BRINP1: variants seen among roughly 807,000 people sequenced by gnomAD.
The protein encoded by BRINP1 is BMP/retinoic acid-inducible neural-specific protein 1.
BRINP1 carries 17 observed loss-of-function variants against 72.9 expected under a neutral mutation model. The observed-to-expected ratio is 0.23, with a 90% CI of 0.16 to 0.35. BRINP1 has a LOEUF of 0.35. BRINP1 is among the 10% of genes least tolerant of loss of function. BRINP1 has a pLI of 1.00. For missense variants in BRINP1, 850 were observed against 1,001.6 expected, an observed-to-expected ratio of 0.85 and a Z score of 2.04; for synonymous variants, 418 against 378.5, an observed-to-expected ratio of 1.10 and a Z score of -1.21.
intron 1 of BRINP1, 114 bp from the exon 2 acceptor site, chr9:119,313,519 A>C: frequency 1.1e-6 from 1 of 897,968 alleles, no homozygotes; most frequent in Admixed American, 2.9e-5. Flanking sequence ...TGTGATTAAC[A>C]CATCTTCATA....
intron 5 of BRINP1, among the ~76,000 whole-genome samples, chr9:119,234,810 TAGACAGAATGAATCTGAAC>T (rs1830178955): frequency 6.6e-6 from 1 of 152,176 alleles, no homozygotes; most frequent in African/African-American, 2.4e-5. Context: ...ATGACTCCTC[TAGACAGAATGAATCTGAAC>T]AGACAGAATG....
chr9:119,345,428 G>A (rs1831439872), intron 1 of BRINP1, among the ~76,000 whole-genome samples: 1 of 152,164 alleles, frequency 6.6e-6, no homozygotes, highest in Admixed American at 6.6e-5. Context: ...AGAAATGATT[G>A]ATCTCACTAA....
chr9:119,351,399 C>T (rs568679468), intron 1 of BRINP1, among the ~76,000 whole-genome samples: 12 of 151,636 alleles, frequency 7.9e-5, no homozygotes, highest in African/African-American at 2.7e-4. Context: ...TGTAGAAGAA[C>T]GTGGAAGGCG....
chr9:119,232,018 T>C, intron 5 of BRINP1, among the ~76,000 whole-genome samples: 1 of 152,160 alleles, frequency 6.6e-6, no homozygotes, highest in East Asian at 1.9e-4. Context: ...TCGAATAGAT[T>C]TGTCAAACGT....
At chr9:119,220,061 T>C (rs1830023871) in intron 5 of BRINP1, among the ~76,000 whole-genome samples, 1 of 152,172 alleles carries the variant, frequency 6.6e-6, no homozygotes, top group South Asian at 2.1e-4. Flanking sequence ...AAAGAGTACT[T>C]GCACACAAGA....
At chr9:119,240,917 A>T (rs1830241573) in intron 4 of BRINP1, among the ~76,000 whole-genome samples, 1 of 152,242 alleles carries the variant, frequency 6.6e-6, no homozygotes, top group Admixed American at 6.5e-5. Context: ...AAAGACTGAG[A>T]TGTAAAATGC....
intron 2 of BRINP1, among the ~76,000 whole-genome samples, chr9:119,298,703 G>A (rs1230494188): frequency 6.6e-6 from 1 of 151,946 alleles, no homozygotes; most frequent in Non-Finnish European, 1.5e-5. Context: ...GATTACTCCA[G>A]AACTTGCCAT....
chr9:119,232,987 T>C (rs996464477), intron 5 of BRINP1, among the ~76,000 whole-genome samples: 4 of 152,044 alleles, frequency 2.6e-5, no homozygotes, highest in African/African-American at 9.7e-5. Flanking sequence ...TGATGCTTTC[T>C]TTCTCATTTC....
chr9:119,190,227 A>T (rs1469436551), intron 7 of BRINP1, among the ~76,000 whole-genome samples: 6 of 151,928 alleles, frequency 3.9e-5, no homozygotes, highest in African/African-American at 1.4e-4. Flanking sequence ...AAAGATCCCA[A>T]ATAAATTAAG....
At chr9:119,198,680 T>C (rs954378770) in intron 7 of BRINP1, among the ~76,000 whole-genome samples, 1 of 151,972 alleles carries the variant, frequency 6.6e-6, no homozygotes, top group African/African-American at 2.4e-5. Context: ...TAATTTTTTT[T>C]TTTTTTTTTG....
intron 1 of BRINP1, among the ~76,000 whole-genome samples, chr9:119,349,914 T>C (rs1221495935): frequency 6.6e-6 from 1 of 152,162 alleles, no homozygotes; most frequent in Non-Finnish European, 1.5e-5. Context: ...TCTTTCTCCT[T>C]CTTAAGCTTC....
chr9:119,253,149 G>A (rs1353822037), intron 2 of BRINP1, among the ~76,000 whole-genome samples: 2 of 152,166 alleles, frequency 1.3e-5, no homozygotes, highest in Admixed American at 6.5e-5. Flanking sequence ...TCCACTGGGG[G>A]AAGGAGGACA....
chr9:119,232,916 T>A (rs1830161138), intron 5 of BRINP1, among the ~76,000 whole-genome samples: 1 of 152,086 alleles, frequency 6.6e-6, no homozygotes, highest in African/African-American at 2.4e-5. Context: ...ATGCCATTAG[T>A]GTTATTACCA....
chr9:119,310,360 C>A (rs1054130584), intron 2 of BRINP1, among the ~76,000 whole-genome samples: 5 of 152,270 alleles, frequency 3.3e-5, no homozygotes, highest in Admixed American at 2.0e-4. Flanking sequence ...ACGTCATGCC[C>A]TCAAAAGACT....
rs1363045263 is a variant in BRINP1 at position 119,178,895 on chromosome 9, G to GAAAT, written c.1146-10675_1146-10672dup. On this transcript the variant is annotated intron_variant, in intron 7 of 7. Transcript: ENST00000265922. ...CAAGACACAAGAAAAGAAATAAATTGAAATAACGGAAAAATACTGAAAGTT... is the reference window on the plus strand; with the variant it reads ...CAAGACACAAGAAAAGAAATAAATTGAAATAAATAACGGAAAAATACTGAAAGTT... Among the ~76,000 whole-genome samples the GAAAT allele has an allele frequency of 6.6e-5, 10 of 151,750 alleles. No homozygotes were observed. In the South Asian group the frequency reaches 1.0e-3, roughly 16 times the overall value.
chr9:119,234,928 G>C (rs925222180), intron 5 of BRINP1, among the ~76,000 whole-genome samples: 2 of 151,882 alleles, frequency 1.3e-5, no homozygotes, highest in Non-Finnish European at 2.9e-5. Context: ...ATAGATACTT[G>C]CCCATCTATC....
chr9:119,285,331 C>T (rs1830749736), intron 2 of BRINP1, among the ~76,000 whole-genome samples: 1 of 152,064 alleles, frequency 6.6e-6, no homozygotes, highest in African/African-American at 2.4e-5. Flanking sequence ...AACGGGATGG[C>T]AGAGGGGAAT....
rs1292528867 is a variant in BRINP1 at position 119,167,235 on chromosome 9, G to A, written c.2135C>T (p.Pro712Leu). ...RINRLAPPVA[P>L]GKPQLDLFSC... is the part of the protein sequence containing the mutation. Reference sequence around the variant, plus strand: ...GAACAAGTCCAGCTGGGGTTTCCCCGGGGCCACAGGAGGGGCCAGGCGATT... The same window carrying A: ...GAACAAGTCCAGCTGGGGTTTCCCCAGGGCCACAGGAGGGGCCAGGCGATT... The change falls in exon 8 of 8, where the codon CCG (proline) becomes CTG (leucine). Residue 712 changes from proline to leucine, a missense_variant. Physicochemically the swap from Pro to Leu is moderately conservative, Grantham distance 98. Transcript: ENST00000265922. This position sits in a 1 kb window ranked among gnomAD's most constrained non-coding sequence, Gnocchi z 4.3. The A allele has an allele frequency of 4.3e-6, 7 of 1,614,122 alleles. No individual in the cohort carries two copies. The highest frequency in any genetic ancestry group is 1.7e-5 in the Admixed American group (1 of 60,020).
intron 5 of BRINP1, among the ~76,000 whole-genome samples, chr9:119,227,027 C>A (rs570078310): frequency 6.6e-6 from 1 of 152,026 alleles, no homozygotes; most frequent in South Asian, 2.1e-4. Context: ...TTGAGGTTTA[C>A]ATGAAATATT....
Sources: allele counts gnomAD v4.1 joint callset (sites outside exome capture counted in the v4.1 genomes callset), GRCh38; gene constraint gnomAD v4.1.1; non-coding constraint Gnocchi (gnomAD v3.1); transcripts MANE v1.5; gene names NCBI Gene and HGNC (gene_info 2026-07-23, HGNC 2026-07-21).